UPRT: variants seen among roughly 807,000 people sequenced by gnomAD.
The protein encoded by UPRT is uracil phosphoribosyltransferase homolog.
Under a neutral mutation model 22.6 loss-of-function variants are expected in UPRT, and 5 were observed. The ratio of observed to expected loss-of-function variants is 0.22; its 90% CI spans 0.12 to 0.47. The LOEUF (loss-of-function observed/expected upper bound fraction) is 0.47, where lower values mean the gene tolerates loss of function less well. UPRT is among the 20% of genes least tolerant of loss of function. The pLI is 0.99. For synonymous variants in UPRT, 77 were observed against 87.7 expected, an observed-to-expected ratio of 0.88 and a Z score of 0.68; for missense variants, 181 against 239.9, an observed-to-expected ratio of 0.75 and a Z score of 1.62.
chrX:75,205,486 T>G (rs1336854636), intron 4 of UPRT, among the ~76,000 whole-genome samples: 2 of 110,615 alleles, frequency 1.8e-5, no homozygotes, highest in African/African-American at 6.6e-5. Flanking sequence ...CTGGAACTCT[T>G]GTTAAGCACA....
At chrX:75,302,911 A>AT (rs915384314) in intron 6 of UPRT, among the ~76,000 whole-genome samples, 79 of 108,815 alleles carry the variant, frequency 7.3e-4, no homozygotes, top group Non-Finnish European at 1.3e-3. Context: ...TTCCTCTTTA[A>AT]TTTTTTTTTA....
At chrX:75,299,603 T>C in intron 4 of UPRT, 132 bp from the exon 5 acceptor site, 1 of 716,138 alleles carries the variant, frequency 1.4e-6, no homozygotes, top group Non-Finnish European at 1.9e-6. Context: ...ATAAAAGCTG[T>C]CAGCTTCAAA....
intron 4 of UPRT, among the ~76,000 whole-genome samples, chrX:75,174,881 C>T (rs1259434437): frequency 8.1e-5 from 9 of 111,352 alleles, no homozygotes; most frequent in Admixed American, 7.6e-4. Flanking sequence ...TTCTTTACTA[C>T]TTTCATCTCT....
intron 4 of UPRT, among the ~76,000 whole-genome samples, chrX:75,247,888 G>A (rs763607396): frequency 2.7e-5 from 3 of 111,768 alleles, no homozygotes; most frequent in Admixed American, 9.5e-5. Context: ...CCAGAGGAAC[G>A]ATCAGGCAGC....
At chrX:75,203,516 T>TCACA (rs368566812) in intron 4 of UPRT, among the ~76,000 whole-genome samples, 45 of 64,608 alleles carry the variant, frequency 7.0e-4, no homozygotes, top group African/African-American at 2.5e-3. Context: ...ACACACACAC[T>TCACA]CACACACACA....
At chrX:75,184,115 T>C in intron 4 of UPRT, among the ~76,000 whole-genome samples, 1 of 111,750 alleles carries the variant, frequency 8.9e-6, no homozygotes, top group Non-Finnish European at 1.9e-5. Flanking sequence ...ATGTCCTGAA[T>C]GATAATGCCT....
At chrX:75,226,476 A>C (rs2082424220) in intron 4 of UPRT, among the ~76,000 whole-genome samples, 1 of 112,021 alleles carries the variant, frequency 8.9e-6, no homozygotes, top group Non-Finnish European at 1.9e-5. Context: ...AGTTTACTCT[A>C]TGATCTTATC....
intron 4 of UPRT, among the ~76,000 whole-genome samples, chrX:75,236,027 A>G (rs1394002241): frequency 1.8e-5 from 2 of 111,388 alleles, no homozygotes; most frequent in Non-Finnish European, 3.8e-5. Flanking sequence ...TGCAGAAGAC[A>G]TGATTGTATA....
Position 75,303,891 on chromosome X carries a change from T to G in UPRT, c.*380T>G, listed in dbSNP as rs112073726. The G allele has an allele frequency of 0.064, 8,570 of 134,594 alleles. 276 individuals are homozygous for G. The highest frequency in any genetic ancestry group is 0.09 in the Middle Eastern group (28 of 312). 11.1% of individuals were successfully genotyped at this position (134,594 alleles called of 1,213,427 possible). A position where few individuals can be genotyped will look rare whatever the true frequency, so the allele number is the denominator to read the frequency against. ...TAGTTTGCATTTTGTTTAGTTTGGT[T>G]TTAGCTCTACTAAGGTTTCACATAT... On this transcript the variant is annotated 3_prime_UTR_variant, in exon 7 of 7. Transcript: ENST00000373383.
chrX:75,197,716 A>G (rs1394261079), intron 4 of UPRT, among the ~76,000 whole-genome samples: 1 of 112,284 alleles, frequency 8.9e-6, no homozygotes, highest in Non-Finnish European at 1.9e-5. Context: ...TAGAAGCCCA[A>G]TAAGACATGA....
At chrX:75,252,181 G>A (rs1315038234) in intron 4 of UPRT, among the ~76,000 whole-genome samples, 1 of 111,987 alleles carries the variant, frequency 8.9e-6, no homozygotes, top group Non-Finnish European at 1.9e-5. Context: ...AACACCAAAA[G>A]CAATGGCAAC....
chrX:75,254,546 C>A lies in UPRT; in HGVS notation c.-446-36478C>A, dbSNP rs1219150860. Among the ~76,000 whole-genome samples, 4 of 111,529 alleles carry A rather than the reference C, an allele frequency of 3.6e-5. No homozygotes were observed. The East Asian group carries it at 8.4e-4, about 24-fold the overall frequency. On this transcript the variant is annotated intron_variant, in intron 4 of 13. Transcript: ENST00000652605. ...CCGGCATTATGTCAAACAACCAAAC[C>A]TAAGAGTAATTGGCATTCTTGAAGA...
intron 4 of UPRT, among the ~76,000 whole-genome samples, chrX:75,180,800 A>G (rs1202832197): frequency 9.9e-6 from 1 of 100,837 alleles, no homozygotes; most frequent in Non-Finnish European, 2.0e-5. Context: ...TTTTTTTACC[A>G]TACTATACGT....
At chrX:75,257,795 G>C (rs184257526) in intron 4 of UPRT, among the ~76,000 whole-genome samples, 24 of 111,312 alleles carry the variant, frequency 2.2e-4, no homozygotes, top group African/African-American at 7.5e-4. Context: ...GGATTTGCTT[G>C]CAAGATGGCC....
At chrX:75,177,064 G>T (rs1450255507) in intron 4 of UPRT, among the ~76,000 whole-genome samples, 12 of 111,199 alleles carry the variant, frequency 1.1e-4, no homozygotes, top group Non-Finnish European at 2.3e-4. Flanking sequence ...AACCGCCCAT[G>T]GTTTTGGTTT....
chrX:75,221,394 C>G (rs1245328525), intron 4 of UPRT, among the ~76,000 whole-genome samples: 2 of 111,267 alleles, frequency 1.8e-5, no homozygotes, highest in African/African-American at 6.5e-5. Flanking sequence ...GTTATCATCC[C>G]TTTGAATAAA....
upstream of UPRT, among the ~76,000 whole-genome samples, chrX:75,271,735 C>T (rs2082608660): frequency 8.9e-6 from 1 of 111,739 alleles, no homozygotes; most frequent in African/African-American, 3.3e-5. Context: ...AAAATCTTCA[C>T]AATCTATACA....
At chrX:75,203,514 A>ACT (rs1433833534) in intron 4 of UPRT, among the ~76,000 whole-genome samples, 26 of 89,754 alleles carry the variant, frequency 2.9e-4, no homozygotes, top group African/African-American at 1.2e-3. Context: ...ACACACACAC[A>ACT]CTCACACACA....
chrX:75,198,979 T>G (rs191454402), intron 4 of UPRT, among the ~76,000 whole-genome samples: 58 of 111,899 alleles, frequency 5.2e-4, no homozygotes, highest in African/African-American at 1.8e-3. Context: ...AGAAGAAGCA[T>G]ATAGGCCAGC....
Sources: gnomAD v4.1 joint callset for allele counts (sites outside exome capture counted in the v4.1 genomes callset) on GRCh38, gnomAD v4.1.1 for gene constraint, MANE v1.5 for transcripts, NCBI Gene and HGNC (gene_info 2026-07-23, HGNC 2026-07-21) for gene names.